The following TESK2 variants were observed in gnomAD, a reference collection of about 807,000 sequenced individuals.
The protein encoded by TESK2 is dual specificity testis-specific protein kinase 2.
TESK2 carries 39 observed loss-of-function variants against 57.1 expected under a neutral mutation model. The ratio of observed to expected loss-of-function variants is 0.68; its 90% confidence interval spans 0.53 to 0.89. The LOEUF (loss-of-function observed/expected upper bound fraction) is 0.89. Ranked by LOEUF, TESK2 falls within the 40% of genes least tolerant of loss-of-function variation. The pLI is 0.00. For missense variants in TESK2, 646 were observed against 732.1 expected (o/e 0.88, Z 1.36); for synonymous variants, 249 against 267.9 (o/e 0.93, Z 0.69).
At chr1:45,380,637 A>T (rs912440929) in intron 4 of TESK2, among the ~76,000 whole-genome samples, 44 of 152,232 alleles carry the variant, frequency 2.9e-4, no homozygotes, top group African/African-American at 8.4e-4. Flanking sequence ...AACTGACAAC[A>T]TAAAGACAGA....
At chr1:45,445,264 C>G (rs188138171) in intron 2 of TESK2, among the ~76,000 whole-genome samples, 1 of 152,058 alleles carries the variant, frequency 6.6e-6, no homozygotes, top group Non-Finnish European at 1.5e-5. Context: ...AAACTATCCT[C>G]GAAAAACCCT....
chr1:45,375,993 G>T (rs571136613), intron 4 of TESK2, among the ~76,000 whole-genome samples: 228 of 152,214 alleles, frequency 1.5e-3, no homozygotes, highest in African/African-American at 5.2e-3. Context: ...TTTCTCAAAT[G>T]TCACAGGGAG....
chr1:45,431,421 GAA>G lies in TESK2; in HGVS notation c.223-9577_223-9576del, dbSNP rs368967097. Among the ~76,000 whole-genome samples, 37 of 142,962 alleles carry G rather than the reference GAA, an allele frequency of 2.6e-4. 1 individual carries two copies. Among genetic ancestry groups the G allele is most frequent in the South Asian group, 2.0e-3 (9 of 4,540 alleles). The allele number at this position is 142,962 out of a possible 152,430, so 93.8% of individuals were successfully genotyped here. ...CAATAGAGCGAGAACCTATCTAAAA[GAA>G]AAAAAAAAAGATGCAAGTGGAAATT... On this transcript the variant is annotated intron_variant, in intron 2 of 10. Transcript: ENST00000372086.
chr1:45,410,627 A>T (rs1044828514), intron 3 of TESK2, among the ~76,000 whole-genome samples: 1 of 152,078 alleles, frequency 6.6e-6, no homozygotes, highest in Non-Finnish European at 1.5e-5. Context: ...ATTTTTTTTT[A>T]AAACACTGCC....
rs1332105630 is a variant in TESK2, at chr1:45,369,134, A to G, written c.394-13685T>C. 2.0e-5 allele frequency among the ~76,000 whole-genome samples: 3 copies of G among 152,210 alleles called. 1 individual carries two copies. Among genetic ancestry groups the G allele is most frequent in the African/African-American group, 7.2e-5 (3 of 41,460 alleles). On this transcript the variant is annotated intron_variant, in intron 4 of 10. Coordinates refer to ENST00000372086, the MANE Select transcript of TESK2 (RefSeq NM_007170.3). ...GATTTGTATCCAAGCCTTGTGACCT[A>G]AAAGCCTGGGTTTCTTCTACCCTAG...
intron 1 of TESK2, among the ~76,000 whole-genome samples, chr1:45,487,349 C>A (rs1381419524): frequency 6.6e-6 from 1 of 152,192 alleles, no homozygotes; most frequent in Non-Finnish European, 1.5e-5. Flanking sequence ...ACCAATCCAA[C>A]TCTGGGTCCC....
rs754417134 is a variant in TESK2, at chr1:45,347,639, C to T, written c.678G>A (p.Glu226=). Residue 226 remains glutamate (E), a synonymous_variant, in exon 7 of 11, where the codon GAG becomes GAA. Coordinates refer to ENST00000372086, the MANE Select transcript of TESK2 (RefSeq NM_007170.3). ...VVGSPFWMAP[E]VLRDEPYNEK... ...CATTATAGGGCTCATCTCGGAGAAC[C>T]TCAGGTGCCATCCAGAATGGGGAAC... is the stretch of plus-strand genomic sequence containing the variant. 1.3e-4 allele frequency: 208 copies of T among 1,614,024 alleles called. 1 individual carries two copies. In the South Asian group the frequency reaches 2.0e-3, roughly 15 times the overall value.
chr1:45,351,801 C>T (rs1337870775), intron 5 of TESK2, among the ~76,000 whole-genome samples: 2 of 150,382 alleles, frequency 1.3e-5, no homozygotes, highest in Non-Finnish European at 2.9e-5. Context: ...TGCTATCAAG[C>T]CCTTCGCCCT....
chr1:45,389,417 A>C (rs1173330661), intron 3 of TESK2, among the ~76,000 whole-genome samples: 1 of 152,104 alleles, frequency 6.6e-6, no homozygotes, highest in Non-Finnish European at 1.5e-5. Context: ...TGTCTCCAAC[A>C]AAAATACACA....
rs1170732475 is a variant in TESK2, at chr1:45,436,181, C to CTTTTTTTTTTTTTTTTTTTTTTT, written c.223-14336_223-14335insAAAAAAAAAAAAAAAAAAAAAAA. ...CTGTGAAAAATGACATTGGTATCTT[C>CTTTTTTTTTTTTTTTTTTTTTTT]TTTTTTTTTTTTTTTTTTTTTGAGA... On this transcript the variant is annotated intron_variant, in intron 2 of 10. Coordinates refer to ENST00000372086, the MANE Select transcript of TESK2 (RefSeq NM_007170.3). 4.9e-4 allele frequency among the ~76,000 whole-genome samples: 28 copies of CTTTTTTTTTTTTTTTTTTTTTTT among 56,622 alleles called. 11 individuals are homozygous for CTTTTTTTTTTTTTTTTTTTTTTT. The highest frequency in any genetic ancestry group is 1.9e-3 in the South Asian group (2 of 1,064). 37.1% of individuals were successfully genotyped at this position (56,622 alleles called of 152,430 possible).
At chr1:45,378,760 T>C (rs1648533260) in intron 4 of TESK2, among the ~76,000 whole-genome samples, 1 of 152,230 alleles carries the variant, frequency 6.6e-6, no homozygotes. Flanking sequence ...ACCTAAAGCC[T>C]AGCAAAGTAC....
chr1:45,355,263 T>C, intron 5 of TESK2, 40 bp downstream of exon 5: 1 of 1,605,010 alleles, frequency 6.2e-7, no homozygotes, highest in South Asian at 1.1e-5. Context: ...AAGAGAAGGG[T>C]GGTATCTCTC....
At chr1:45,347,767 C>T in intron 6 of TESK2, 74 bp from the exon 7 acceptor site, 1 of 1,538,978 alleles carries the variant, frequency 6.5e-7, no homozygotes. Context: ...CATTCCTCCA[C>T]CTCAAGGATG....
At chr1:45,483,212 T>C (rs918568077) in intron 1 of TESK2, among the ~76,000 whole-genome samples, 36 of 145,170 alleles carry the variant, frequency 2.5e-4, no homozygotes, top group South Asian at 4.4e-4. Context: ...ACCCAGGAGG[T>C]GGAGCTTGCA....
chr1:45,465,603 G>C (rs956094294), intron 1 of TESK2, among the ~76,000 whole-genome samples: 2 of 152,252 alleles, frequency 1.3e-5, no homozygotes, highest in East Asian at 3.9e-4. Context: ...TTTTACAATA[G>C]CACAATAGAC....
In TESK2 at chr1:45,345,299, G is replaced by A. The variant is rs751207816; in HGVS notation, c.1257C>T (p.Pro419=). 3.1e-6 allele frequency: 5 copies of A among 1,614,156 alleles called. No homozygotes were observed. The East Asian group carries it at 8.9e-5, about 29-fold the overall frequency. The change falls in exon 11 of 11, where the codon CCC becomes CCT. Residue 419 remains proline (P), a synonymous_variant. Coordinates refer to ENST00000372086, the MANE Select transcript of TESK2 (RefSeq NM_007170.3). The part of the protein sequence containing the change: ...MGGKIKFFDL[P]SKSVISLVFD... Reference sequence around the variant, plus strand: ...ATACCAGAGAGATGACAGACTTGCTGGGCAGGTCAAAAAACTTGATCTTGC... The same window carrying A: ...ATACCAGAGAGATGACAGACTTGCTAGGCAGGTCAAAAAACTTGATCTTGC...
intron 5 of TESK2, 96 bp from the exon 6 acceptor site, chr1:45,348,096 C>G (rs1647172106): frequency 2.4e-6 from 2 of 840,886 alleles, no homozygotes; most frequent in South Asian, 2.8e-5. Flanking sequence ...TCACAGGGCA[C>G]CTTGTCCTCT....
At chr1:45,430,322 T>C (rs1041857540) in intron 2 of TESK2, among the ~76,000 whole-genome samples, 5 of 151,600 alleles carry the variant, frequency 3.3e-5, no homozygotes, top group African/African-American at 1.2e-4. Context: ...AACACATCTC[T>C]ACAAAAAAAA....
intron 4 of TESK2, among the ~76,000 whole-genome samples, chr1:45,363,370 A>G (rs977405848): frequency 2.0e-5 from 3 of 152,178 alleles, no homozygotes; most frequent in Non-Finnish European, 4.4e-5. Context: ...TTTCCACAAT[A>G]TAGCCAAGAC....
Sources: allele counts gnomAD v4.1 joint callset (sites outside exome capture counted in the v4.1 genomes callset), GRCh38; gene constraint gnomAD v4.1.1; transcripts MANE v1.5; gene names NCBI Gene and HGNC (gene_info 2026-07-23, HGNC 2026-07-21).